Variants in AGBL1 observed in about 807,000 individuals in gnomAD.
AGBL1 encodes cytosolic carboxypeptidase 4.
AGBL1 carries 130 observed loss-of-function variants against 118.9 expected under a neutral mutation model. That is an observed-to-expected ratio of 1.09 (90% CI 0.95 to 1.26). The LOEUF is 1.26. Ranked by LOEUF, AGBL1 falls within the 50% of genes most tolerant of loss-of-function variation. The probability of loss-of-function intolerance (pLI) is 0.00; values close to 1 mark genes in which losing one functional copy is unlikely to be tolerated. For synonymous variants in AGBL1, 555 were observed against 478.9 expected, an observed-to-expected ratio of 1.16 and a Z score of -2.08; for missense variants, 1,584 against 1,298.1, an observed-to-expected ratio of 1.22 and a Z score of -3.38.
rs1460873592 is a variant in AGBL1, at chr15:86,125,673, C to G, written c.52-16331C>G. On this transcript the variant is annotated intron_variant, in intron 1 of 22. Coordinates refer to ENST00000614907, the MANE Select transcript of AGBL1 (RefSeq NM_001386094.1). ...GTGACTTTCAATCAATAATTTAAAA[C>G]TCATCCCTCTTCAACCTAGGCAGGG... 3.3e-5 allele frequency among the ~76,000 whole-genome samples: 5 copies of G among 152,202 alleles called. No homozygotes were observed. In the East Asian group the frequency reaches 7.7e-4, roughly 23 times the overall value.
chr15:86,606,064 T>G (rs1187568420), intron 21 of AGBL1, among the ~76,000 whole-genome samples: 2 of 138,984 alleles, frequency 1.4e-5, no homozygotes, highest in African/African-American at 5.5e-5. Context: ...AAGGCAGAGG[T>G]TGCAGTGAGC....
rs535707426 is a variant in AGBL1, at chr15:86,286,735, G to GTATATATATATATA, written c.2220+6953_2220+6966dup. Reference sequence around the variant, plus strand: ...TATATGTGTGTGTGTGTTTGTGTGTGTATATATATATATAAAACTCCATCA... The same window carrying GTATATATATATATA: ...TATATGTGTGTGTGTGTTTGTGTGTGTATATATATATATATATATATATATATAAAACTCCATCA... On this transcript the variant is annotated intron_variant, in intron 16 of 22. Coordinates refer to ENST00000614907, the MANE Select transcript of AGBL1 (RefSeq NM_001386094.1). Among the ~76,000 whole-genome samples the GTATATATATATATA allele has an allele frequency of 6.4e-3, 682 of 106,296 alleles. 33 individuals carry two copies. The highest frequency in any genetic ancestry group is 0.023 in the African/African-American group (586 of 25,770). The allele number at this position is 106,296 out of a possible 152,430, so 69.7% of individuals were successfully genotyped here. A position where few individuals can be genotyped will look rare whatever the true frequency, so the allele number is the denominator to read the frequency against.
downstream of AGBL1, among the ~76,000 whole-genome samples, chr15:86,920,562 T>C (rs568390607): frequency 2.2e-4 from 33 of 152,322 alleles, no homozygotes; most frequent in Middle Eastern, 3.4e-3. Context: ...ATTTTTATAA[T>C]TTTGCTTACC....
intron 21 of AGBL1, among the ~76,000 whole-genome samples, chr15:86,585,618 A>C (rs1326093000): frequency 6.6e-6 from 1 of 152,136 alleles, no homozygotes; most frequent in Non-Finnish European, 1.5e-5. Flanking sequence ...CTCCTGCCTC[A>C]GCCTCCCAAA....
In AGBL1 at chr15:86,915,833, A is replaced by G. The variant is rs1041538531; in HGVS notation, c.*8539A>G. 2.6e-5 allele frequency: 4 copies of G among 152,260 alleles called. No homozygotes were observed. Among genetic ancestry groups the G allele is most frequent in the Non-Finnish European group, 4.4e-5 (3 of 68,064 alleles). The allele number at this position is 152,260 out of a possible 1,614,324, so 9.4% of individuals were successfully genotyped here. ...AGAATGACCTCCTACCCGTTGCCTC[A>G]GTAACCTCTTACGCATGGAGAGCAG... is the stretch of plus-strand genomic sequence containing the variant. On this transcript the variant is annotated 3_prime_UTR_variant, in exon 23 of 23. Coordinates refer to ENST00000614907, the MANE Select transcript of AGBL1 (RefSeq NM_001386094.1).
intron 18 of AGBL1, among the ~76,000 whole-genome samples, chr15:86,450,977 G>A (rs940754466): frequency 1.3e-5 from 2 of 152,008 alleles, no homozygotes; most frequent in Admixed American, 1.3e-4. Flanking sequence ...TTTGTCATCA[G>A]CTAATTATAT....
chr15:86,221,553 C>G (rs899685206), intron 5 of AGBL1, among the ~76,000 whole-genome samples: 1 of 152,166 alleles, frequency 6.6e-6, no homozygotes, highest in Non-Finnish European at 1.5e-5. Flanking sequence ...AGTGGACCAG[C>G]GCTGCAGACA....
chr15:86,575,200 A>G (rs1330281134), intron 21 of AGBL1, among the ~76,000 whole-genome samples: 1 of 150,970 alleles, frequency 6.6e-6, no homozygotes, highest in African/African-American at 2.4e-5. Flanking sequence ...AAAGAAAGAA[A>G]AAAGTTATTG....
chr15:86,632,675 G>C (rs1020575315), intron 21 of AGBL1, among the ~76,000 whole-genome samples: 2 of 149,778 alleles, frequency 1.3e-5, no homozygotes, highest in Non-Finnish European at 3.0e-5. Context: ...TTCTCTGTGA[G>C]CTCAAACTAA....
At chr15:86,172,150 T>A (rs56805258) in intron 5 of AGBL1, among the ~76,000 whole-genome samples, 2 of 152,130 alleles carry the variant, frequency 1.3e-5, no homozygotes, top group Admixed American at 6.5e-5. Flanking sequence ...AACTTATTCA[T>A]GTAATCATCA....
At chr15:86,651,282 T>C (rs771205506) in intron 21 of AGBL1, among the ~76,000 whole-genome samples, 1 of 152,150 alleles carries the variant, frequency 6.6e-6, no homozygotes, top group Non-Finnish European at 1.5e-5. Flanking sequence ...AGAAATTGCA[T>C]AGAGGCCTCC....
chr15:86,457,876 C>G (rs138823272), intron 18 of AGBL1, among the ~76,000 whole-genome samples: 1 of 152,150 alleles, frequency 6.6e-6, no homozygotes, highest in Non-Finnish European at 1.5e-5. Flanking sequence ...CCTCTCTGGG[C>G]CTGGGATTAG....
Position 86,395,348 on chromosome 15 carries a change from G to A in AGBL1, c.2375-2018G>A, listed in dbSNP as rs76737723. On this transcript the variant is annotated intron_variant, in intron 17 of 22. Coordinates refer to ENST00000614907, the MANE Select transcript of AGBL1 (RefSeq NM_001386094.1). ...CTTTGTTCAGAAGACCCTCCTCACC[G>A]TCTCCATCTGGTAAATAATACTTAT... 7.3e-3 allele frequency among the ~76,000 whole-genome samples: 1,107 copies of A among 151,858 alleles called. 7 individuals carry two copies. The highest frequency in any genetic ancestry group is 0.011 in the Admixed American group (160 of 15,232).
At chr15:86,847,679 G>C (rs902683649) in intron 22 of AGBL1, among the ~76,000 whole-genome samples, 3 of 152,204 alleles carry the variant, frequency 2.0e-5, no homozygotes, top group African/African-American at 7.2e-5. Context: ...GGGGAGCACA[G>C]TCAGACCCAT....
At chr15:86,375,069 G>A (rs772467538) in intron 17 of AGBL1, among the ~76,000 whole-genome samples, 1 of 152,170 alleles carries the variant, frequency 6.6e-6, no homozygotes, top group Non-Finnish European at 1.5e-5. Context: ...CAGCCACTTG[G>A]GTTCAACTCT....
intron 9 of AGBL1, among the ~76,000 whole-genome samples, chr15:86,262,054 A>G (rs1299263241): frequency 1.1e-5 from 1 of 93,538 alleles, no homozygotes; most frequent in South Asian, 4.4e-4. Context: ...CTAATAATTC[A>G]CTGCTAGGCC....
chr15:86,506,580 A>G (rs2082980262), intron 18 of AGBL1, among the ~76,000 whole-genome samples: 1 of 152,126 alleles, frequency 6.6e-6, no homozygotes, highest in South Asian at 2.1e-4. Context: ...TTAATTGAAG[A>G]GTCTTGACAG....
intron 24 of AGBL1, among the ~76,000 whole-genome samples, chr15:87,027,910 C>G (rs1178619309): frequency 6.6e-6 from 1 of 151,612 alleles, no homozygotes; most frequent in Non-Finnish European, 1.5e-5. Flanking sequence ...AGGGCAAGCC[C>G]CAGGAAGAAT....
At chr15:86,998,320 C>T (rs949649190) in intron 24 of AGBL1, among the ~76,000 whole-genome samples, 1 of 152,144 alleles carries the variant, frequency 6.6e-6, no homozygotes, top group Admixed American at 6.6e-5. Flanking sequence ...AGGCAAGTTG[C>T]CATCTTGAGA....
Sources: gnomAD v4.1 joint callset for allele counts (sites outside exome capture counted in the v4.1 genomes callset) on GRCh38, gnomAD v4.1.1 for gene constraint, MANE v1.5 for transcripts, NCBI Gene and HGNC (gene_info 2026-07-23, HGNC 2026-07-21) for gene names.